The following RHOF variants were observed in gnomAD, a reference collection of about 807,000 sequenced individuals.
RHOF encodes ras homolog family member F, filopodia associated, also known as rho-related GTP-binding protein RhoF.
RHOF carries 21 observed loss-of-function variants against 22.2 expected under a neutral mutation model. The observed-to-expected ratio is 0.95, with a 90% confidence interval of 0.67 to 1.36. The LOEUF is 1.36. Ranked by LOEUF, RHOF falls within the 40% of genes most tolerant of loss-of-function variation. The probability of loss-of-function intolerance (pLI) is 0.00; values close to 1 mark genes in which losing one functional copy is unlikely to be tolerated. For missense variants in RHOF, 285 were observed against 293.7 expected (o/e 0.97, Z 0.22); for synonymous variants, 135 against 131.2 (o/e 1.03, Z -0.20).
chr12:121,787,296 G>A (rs1433134880), intron 2 of RHOF, among the ~76,000 whole-genome samples: 1 of 152,170 alleles, frequency 6.6e-6, no homozygotes, highest in Non-Finnish European at 1.5e-5. Context: ...CATTCAAGCA[G>A]CCACCCTGGG....
In RHOF at chr12:121,779,305, G is replaced by T; in HGVS notation, c.*193C>A. On this transcript the variant is annotated 3_prime_UTR_variant, in exon 5 of 5. Transcript: ENST00000267205. The stretch of plus-strand genomic sequence containing the variant: ...CACCCACATCACCACCATGTCCCAG[G>T]GGCAGCCTGGAGGGGAGTTTGTGGT... 1 of 632,762 alleles carries T rather than the reference G, an allele frequency of 1.6e-6. No homozygotes were observed. The highest frequency in any genetic ancestry group is 2.7e-6 in the Non-Finnish European group (1 of 369,542). 39.2% of individuals were successfully genotyped at this position (632,762 alleles called of 1,614,324 possible).
rs78866654 is a variant in RHOF at position 121,785,220 on chromosome 12, C to T, written c.227-4028G>A. On this transcript the variant is annotated intron_variant, in intron 2 of 4. Coordinates refer to ENST00000267205, the MANE Select transcript of RHOF (RefSeq NM_019034.3). ...ACAGAGGAAGGGGCGAATCATATCC[C>T]GGGTGGGATGCAGCAGGACAGCGCA... Among the ~76,000 whole-genome samples, 839 of 152,182 alleles carry T rather than the reference C, an allele frequency of 5.5e-3. 5 individuals carry two copies. The highest frequency in any genetic ancestry group is 0.019 in the African/African-American group (807 of 41,484).
chr12:121,783,153 G>A (rs1208850086), intron 2 of RHOF, among the ~76,000 whole-genome samples: 5 of 114,750 alleles, frequency 4.4e-5, no homozygotes, highest in Admixed American at 2.9e-4. Context: ...GCCACCCCCC[G>A]CCCCTACACC....
intron 2 of RHOF, chr12:121,782,148 CT>C (rs1566532064): frequency 6.6e-6 from 1 of 152,180 alleles, no homozygotes; most frequent in African/African-American, 2.4e-5. Context: ...CTGTTTCTCC[CT>C]GTCAGGGCAC....
intron 2 of RHOF, among the ~76,000 whole-genome samples, chr12:121,787,911 G>GC (rs764858918): frequency 8.4e-5 from 2 of 23,836 alleles, no homozygotes; most frequent in South Asian, 1.1e-3. Context: ...AAAAAAAAAG[G>GC]GGGGGGGGGC....
At chr12:121,780,579 T>C (rs1380733032) in intron 4 of RHOF, 7 of 516,586 alleles carry the variant, frequency 1.4e-5, no homozygotes, top group Non-Finnish European at 2.4e-5. Flanking sequence ...CTGGCTCCAC[T>C]TCTCGCTAGC....
intron 2 of RHOF, chr12:121,782,670 C>G (rs1017084680): frequency 6.6e-6 from 1 of 152,442 alleles, no homozygotes; most frequent in East Asian, 1.9e-4. Flanking sequence ...TGGCCACCCT[C>G]TCCCCACTGG....
intron 1 of RHOF, 78 bp from the exon 2 acceptor site, chr12:121,793,317 C>G: frequency 6.9e-7 from 1 of 1,458,264 alleles, no homozygotes; most frequent in South Asian, 1.2e-5. Flanking sequence ...CTGTCCACCC[C>G]CCTCACTCGT....
Position 121,781,094 on chromosome 12 carries a change from CGTT to C in RHOF, c.322_324del (p.Asn108del). On this transcript the variant is annotated inframe_deletion, in exon 3 of 5. Coordinates refer to ENST00000267205, the MANE Select transcript of RHOF (RefSeq NM_019034.3). ...GAGGCCGGCCTCACCTTGATGAGGACGTTGTCGTAGCTGGTGGGATTCATGACG... is the reference window on the plus strand; with the variant it reads ...GAGGCCGGCCTCACCTTGATGAGGACGTCGTAGCTGGTGGGATTCATGACG... 3 of 1,614,198 alleles carry C rather than the reference CGTT, an allele frequency of 1.9e-6. No individual in the cohort carries two copies. The highest frequency in any genetic ancestry group is 2.2e-5 in the East Asian group (1 of 44,890).
chr12:121,779,694 G>A, intron 4 of RHOF, 32 bp from the exon 5 acceptor site: 2 of 1,611,592 alleles, frequency 1.2e-6, no homozygotes, highest in Admixed American at 3.3e-5. Flanking sequence ...CATTAGGTGA[G>A]GGGCCCCTGG....
chr12:121,787,890 C>CAA (rs35018748), intron 2 of RHOF, among the ~76,000 whole-genome samples: 17 of 54,456 alleles, frequency 3.1e-4, no homozygotes, highest in African/African-American at 1.4e-3. Context: ...GACTCTGCCT[C>CAA]AAAAAAAAAA....
rs909632709 is a variant in RHOF, at chr12:121,781,140, G to T, written c.279C>A (p.Leu93=). The T allele has an allele frequency of 6.2e-7, 1 of 1,614,226 alleles. No individual in the cohort carries two copies. The highest frequency in any genetic ancestry group is 1.7e-5 in the Admixed American group (1 of 60,024). Residue 93 remains leucine, a synonymous_variant, in exon 3 of 5, where the codon CTC becomes CTA. Transcript: ENST00000267205. ...LRPLSYQNTH[L]VLICYDVMNP... ...TCATGACGTCATAGCAGATGAGCACGAGGTGGGTGTTCTGGTAGGACAGGG... is the reference window on the plus strand; with the variant it reads ...TCATGACGTCATAGCAGATGAGCACTAGGTGGGTGTTCTGGTAGGACAGGG...
intron 2 of RHOF, chr12:121,782,505 G>C (rs1874497357): frequency 6.6e-6 from 1 of 151,890 alleles, no homozygotes; most frequent in African/African-American, 2.4e-5. Flanking sequence ...GGAGGCCCAG[G>C]AATCCCCCTG....
chr12:121,781,268 C>T lies in RHOF; in HGVS notation c.227-76G>A, dbSNP rs545390154. On this transcript the variant is annotated intron_variant, in intron 2 of 4. Coordinates refer to ENST00000267205, the MANE Select transcript of RHOF (RefSeq NM_019034.3). ...CTCTGACGGGTGAAGGGGAAGGGGC[C>T]AGGCAAGTGACCCTGCCTTAGGGCC... is the stretch of plus-strand genomic sequence containing the variant. The T allele has an allele frequency of 7.4e-6, 10 of 1,356,996 alleles. No homozygotes were observed. In the South Asian group the frequency reaches 7.5e-5, roughly 10 times the overall value. The allele number at this position is 1,356,996 out of a possible 1,614,324, so 84.1% of individuals were successfully genotyped here.
intron 2 of RHOF, among the ~76,000 whole-genome samples, chr12:121,787,416 A>G (rs1349760773): frequency 3.9e-5 from 6 of 152,178 alleles, no homozygotes; most frequent in Non-Finnish European, 8.8e-5. Flanking sequence ...ACCAGTCCCC[A>G]AGGTCAGCTG....
chr12:121,780,907 G>C lies in RHOF; in HGVS notation c.436C>G (p.Arg146Gly), dbSNP rs757261415. 1 of 1,613,792 alleles carries C rather than the reference G, an allele frequency of 6.2e-7. No homozygotes were observed. Among genetic ancestry groups the C allele is most frequent in the Non-Finnish European group, 8.5e-7 (1 of 1,179,916 alleles). Residue 146 changes from arginine to glycine, a missense_variant, in exon 4 of 5, where the codon CGG becomes GGG. Arg to Gly is a moderately radical substitution (Grantham distance 125, BLOSUM62 -2). Transcript: ENST00000267205. ...RKDKEQLRKL[R>G]AAQLEPITYM... ...GTGATGGGCTCCAGCTGGGCGGCCC[G>C]GAGCTTCCGCAGCTGCTCCTTGTCC... is the stretch of plus-strand genomic sequence containing the variant.
intron 2 of RHOF, among the ~76,000 whole-genome samples, chr12:121,788,660 G>A (rs1038941213): frequency 2.0e-5 from 3 of 152,072 alleles, no homozygotes; most frequent in African/African-American, 4.8e-5. Context: ...TCGAATTGAC[G>A]CCCACATTTC....
rs17522849 is a variant in RHOF, at chr12:121,793,138, G to C, written c.226+14C>G. 7.7e-3 allele frequency: 11,943 copies of C among 1,548,074 alleles called. 173 individuals carry two copies. Among genetic ancestry groups the C allele is most frequent in the Middle Eastern group, 0.031 (162 of 5,172 alleles). Reference sequence around the variant, plus strand: ...GGCGGACCCTCGGGCCCCCCGGCGCGCAGGCGCACTCACCGGCCGTGTCGT... The same window carrying C: ...GGCGGACCCTCGGGCCCCCCGGCGCCCAGGCGCACTCACCGGCCGTGTCGT... On this transcript the variant is annotated intron_variant, in intron 2 of 4. Transcript: ENST00000267205.
chr12:121,785,850 G>C (rs1453734195), intron 2 of RHOF, among the ~76,000 whole-genome samples: 3 of 151,932 alleles, frequency 2.0e-5, no homozygotes, highest in African/African-American at 7.2e-5. Flanking sequence ...CTGACCTCGT[G>C]ATCCGCCCAC....
Sources: gnomAD v4.1 joint callset for allele counts (sites outside exome capture counted in the v4.1 genomes callset) on GRCh38, gnomAD v4.1.1 for gene constraint, MANE v1.5 for transcripts, NCBI Gene and HGNC (gene_info 2026-07-23, HGNC 2026-07-21) for gene names.